The following TAFA1 variants were observed in gnomAD, a reference collection of about 807,000 sequenced individuals.
TAFA1 encodes chemokine-like protein TAFA-1.
Under a neutral mutation model 18.5 loss-of-function variants are expected in TAFA1, and 4 were observed. The ratio of observed to expected loss-of-function variants is 0.22; its 90% CI spans 0.11 to 0.49. TAFA1 has a LOEUF of 0.49. TAFA1 is among the 20% of genes least tolerant of loss of function. The pLI, the probability that TAFA1 is intolerant of heterozygous loss-of-function variation, is 0.98. For missense variants in TAFA1, 147 were observed against 169.0 expected (o/e 0.87, Z 0.72); for synonymous variants, 56 against 55.2 (o/e 1.01, Z -0.06).
chr3:68,376,828 A>G (rs1483153601), intron 2 of TAFA1, among the ~76,000 whole-genome samples: 3 of 152,154 alleles, frequency 2.0e-5, no homozygotes. Context: ...TGTAATTCCC[A>G]CATGTTGAGG....
intron 2 of TAFA1, among the ~76,000 whole-genome samples, chr3:68,015,406 C>A (rs933464452): frequency 5.9e-5 from 9 of 151,866 alleles, no homozygotes; most frequent in African/African-American, 2.2e-4. Context: ...CCTGCCTTAG[C>A]CTCCTGAGTA....
intron 2 of TAFA1, among the ~76,000 whole-genome samples, chr3:68,205,466 C>G (rs961989209): frequency 1.3e-5 from 2 of 151,824 alleles, no homozygotes; most frequent in Non-Finnish European, 2.9e-5. Context: ...AAGGAAGGCA[C>G]AAATTCTCTC....
intron 2 of TAFA1, among the ~76,000 whole-genome samples, chr3:68,038,205 C>A (rs1705092554): frequency 6.6e-6 from 1 of 152,076 alleles, no homozygotes; most frequent in Non-Finnish European, 1.5e-5. Context: ...TATTTCAGAA[C>A]AATGAGTCTG....
At chr3:68,518,186 G>C (rs2072955285) in intron 3 of TAFA1, among the ~76,000 whole-genome samples, 1 of 152,032 alleles carries the variant, frequency 6.6e-6, no homozygotes, top group Admixed American at 6.6e-5. Context: ...TGTGAGCGTG[G>C]GCATGTTATG....
chr3:68,175,525 G>T (rs1465726202), intron 2 of TAFA1, among the ~76,000 whole-genome samples: 1 of 152,226 alleles, frequency 6.6e-6, no homozygotes, highest in Non-Finnish European at 1.5e-5. Flanking sequence ...GGAGCTTTAA[G>T]ATTCGTCTGC....
intron 2 of TAFA1, among the ~76,000 whole-genome samples, chr3:68,219,743 G>A (rs1559563197): frequency 6.6e-6 from 1 of 152,030 alleles, no homozygotes; most frequent in East Asian, 1.9e-4. Flanking sequence ...CCTAATCAAG[G>A]GAATGATATC....
At chr3:68,065,653 A>G (rs542246087) in intron 2 of TAFA1, among the ~76,000 whole-genome samples, 24 of 152,040 alleles carry the variant, frequency 1.6e-4, no homozygotes, top group African/African-American at 5.5e-4. Context: ...ATGAATTTGT[A>G]TATGTGTGTA....
chr3:68,057,528 T>C (rs1320549249), intron 2 of TAFA1, among the ~76,000 whole-genome samples: 1 of 152,328 alleles, frequency 6.6e-6, no homozygotes, highest in Non-Finnish European at 1.5e-5. Context: ...CAATTTTTAA[T>C]TGTAATTTTA....
At chr3:68,541,233 A>G (rs2073368154) in intron 4 of TAFA1, among the ~76,000 whole-genome samples, 1 of 152,290 alleles carries the variant, frequency 6.6e-6, no homozygotes, top group East Asian at 1.9e-4. Context: ...AGAGGACTCA[A>G]ATGCTCTTAC....
chr3:68,006,309 T>C (rs1704355481), intron 1 of TAFA1: 1 of 257,974 alleles, frequency 3.9e-6, no homozygotes, highest in Admixed American at 4.4e-5. Context: ...TAAAGATCAT[T>C]GTGTAAAATA....
At chr3:68,465,870 C>T (rs529743083) in intron 3 of TAFA1, among the ~76,000 whole-genome samples, 9 of 152,098 alleles carry the variant, frequency 5.9e-5, no homozygotes, top group African/African-American at 2.2e-4. Flanking sequence ...GAATAAGTTA[C>T]CAAAAGAAGA....
At chr3:68,030,335 T>C (rs558152563) in intron 2 of TAFA1, among the ~76,000 whole-genome samples, 1 of 152,166 alleles carries the variant, frequency 6.6e-6, no homozygotes, top group Admixed American at 6.5e-5. Flanking sequence ...TAAGTATATA[T>C]ATATGTGCTG....
chr3:68,110,864 G>T (rs1282015455), intron 2 of TAFA1, among the ~76,000 whole-genome samples: 2 of 152,176 alleles, frequency 1.3e-5, no homozygotes, highest in East Asian at 1.9e-4. Flanking sequence ...CCATTGGTGG[G>T]TTCTATTATA....
At chr3:68,534,742 A>G (rs1313291381) in intron 3 of TAFA1, among the ~76,000 whole-genome samples, 1 of 152,148 alleles carries the variant, frequency 6.6e-6, no homozygotes, top group Admixed American at 6.6e-5. Flanking sequence ...TTTTTTCCCT[A>G]ATGTCTACAT....
At chr3:68,055,933 C>A (rs552341685) in intron 2 of TAFA1, among the ~76,000 whole-genome samples, 1 of 152,044 alleles carries the variant, frequency 6.6e-6, no homozygotes, top group Admixed American at 6.6e-5. Context: ...TAAATGATGC[C>A]GGAGAGGCCT....
At chr3:68,458,413 AGGAGCATTTTATGAATTAGTACAT>A (rs1575885341) in intron 3 of TAFA1, among the ~76,000 whole-genome samples, 1 of 152,202 alleles carries the variant, frequency 6.6e-6, no homozygotes, top group East Asian at 1.9e-4. Context: ...ATTCTACTAC[AGGAGCATTTTATGAATTAGTACAT>A]GGACATTTGA....
chr3:68,264,106 T>A (rs544403123), intron 2 of TAFA1, among the ~76,000 whole-genome samples: 4 of 151,984 alleles, frequency 2.6e-5, no homozygotes, highest in African/African-American at 9.6e-5. Context: ...CCATCTCTAC[T>A]AAAAACACAA....
chr3:68,222,594 A>G (rs1399358235), intron 2 of TAFA1, among the ~76,000 whole-genome samples: 1 of 152,180 alleles, frequency 6.6e-6, no homozygotes, highest in Non-Finnish European at 1.5e-5. Flanking sequence ...TGGCAGATTA[A>G]ACATATTTTC....
intron 2 of TAFA1, chr3:68,247,428 C>G (rs1409751862): frequency 6.6e-6 from 1 of 152,216 alleles, no homozygotes; most frequent in African/African-American, 2.4e-5. Flanking sequence ...CTCAAGTGGA[C>G]AGCATTAGGG....
Sources: gnomAD v4.1 joint callset for allele counts (sites outside exome capture counted in the v4.1 genomes callset) on GRCh38, gnomAD v4.1.1 for gene constraint, MANE v1.5 for transcripts, NCBI Gene and HGNC (gene_info 2026-07-23, HGNC 2026-07-21) for gene names.